GRM7: variants seen among roughly 807,000 people sequenced by gnomAD.
The protein encoded by GRM7 is metabotropic glutamate receptor 7.
A neutral mutation model predicts 84.5 loss-of-function variants in GRM7; 35 were observed. That is an observed-to-expected ratio of 0.41 (90% confidence interval 0.32 to 0.55). GRM7 has a LOEUF of 0.55. Among genes scored for constraint, GRM7 ranks in the 20% least tolerant of loss-of-function variants. The probability of loss-of-function intolerance (pLI) is 0.19; values close to 1 mark genes in which losing one functional copy is unlikely to be tolerated. For missense variants in GRM7, 1,003 were observed against 1,194.6 expected (o/e 0.84, Z 2.36); for synonymous variants, 487 against 455.1 (o/e 1.07, Z -0.89).
chr3:7,726,865 TA>T (rs145598687), intron 9 of GRM7, among the ~76,000 whole-genome samples: 31 of 148,254 alleles, frequency 2.1e-4, no homozygotes, highest in East Asian at 1.2e-3. Context: ...CTGTTTCCTT[TA>T]AAAAAAAAAT....
At chr3:7,064,019 A>G (rs1418253764) in intron 1 of GRM7, among the ~76,000 whole-genome samples, 1 of 151,688 alleles carries the variant, frequency 6.6e-6, no homozygotes, top group East Asian at 1.9e-4. Context: ...TAGGGATCTA[A>G]GCTGACAGAG....
At chr3:7,228,190 A>C (rs1365019305) in intron 2 of GRM7, among the ~76,000 whole-genome samples, 1 of 152,156 alleles carries the variant, frequency 6.6e-6, no homozygotes, top group Non-Finnish European at 1.5e-5. Flanking sequence ...TGAACTGAGA[A>C]CAGATAAGGG....
intron 1 of GRM7, among the ~76,000 whole-genome samples, chr3:6,927,501 G>C (rs1319791568): frequency 7.2e-6 from 1 of 139,814 alleles, no homozygotes; most frequent in East Asian, 2.0e-4. Context: ...AAGAAAGAAA[G>C]AAAGAAAGAA....
At chr3:7,186,106 A>G (rs1201340864) in intron 2 of GRM7, among the ~76,000 whole-genome samples, 2 of 152,016 alleles carry the variant, frequency 1.3e-5, no homozygotes, top group African/African-American at 4.8e-5. Flanking sequence ...GACAAAGCCT[A>G]CTCTCCCAGC....
chr3:7,532,788 C>A (rs1408351275), intron 7 of GRM7, among the ~76,000 whole-genome samples: 2 of 89,636 alleles, frequency 2.2e-5, no homozygotes, highest in South Asian at 4.1e-4. Flanking sequence ...GAATATTTAC[C>A]AAGCAAAGGG....
At chr3:7,212,559 A>T (rs1016146508) in intron 2 of GRM7, among the ~76,000 whole-genome samples, 1 of 152,218 alleles carries the variant, frequency 6.6e-6, no homozygotes, top group African/African-American at 2.4e-5. Context: ...TTGCAGAATT[A>T]ATAACTGGAA....
Position 7,323,344 on chromosome 3 carries a change from C to T in GRM7, c.1033+16692C>T, listed in dbSNP as rs184933163. ...AAGGTTAGTCTTGACATGTCCCAGG[C>T]TAGCAGCCCCTCTCCACCCCATAAC... On this transcript the variant is annotated intron_variant, in intron 4 of 9. Coordinates refer to ENST00000357716, the MANE Select transcript of GRM7 (RefSeq NM_000844.4). Among the ~76,000 whole-genome samples the T allele has an allele frequency of 3.3e-5, 5 of 152,224 alleles. No homozygotes were observed. The East Asian group carries it at 9.7e-4, about 29-fold the overall frequency.
chr3:7,393,077 G>C (rs1695065054), intron 4 of GRM7, among the ~76,000 whole-genome samples: 1 of 152,134 alleles, frequency 6.6e-6, no homozygotes, highest in African/African-American at 2.4e-5. Context: ...TGAGCACAAA[G>C]CTGTGGGGTG....
chr3:7,229,759 A>ATATATATAT (rs1434216248), intron 2 of GRM7, among the ~76,000 whole-genome samples: 23 of 30,358 alleles, frequency 7.6e-4, no homozygotes, highest in South Asian at 1.9e-3. Context: ...ATATATATAT[A>ATATATATAT]TTTTTTTTTT....
intron 1 of GRM7, among the ~76,000 whole-genome samples, chr3:6,881,857 A>G (rs1695522463): frequency 6.6e-6 from 1 of 152,118 alleles, no homozygotes; most frequent in Non-Finnish European, 1.5e-5. Flanking sequence ...TGGAGGGGCT[A>G]AAAATGTTTA....
At chr3:7,600,668 GC>G (rs1372086856) in intron 8 of GRM7, among the ~76,000 whole-genome samples, 2 of 152,012 alleles carry the variant, frequency 1.3e-5, no homozygotes, top group African/African-American at 4.8e-5. Context: ...CTTAATGTAT[GC>G]CTTTAAATTA....
At chr3:7,053,724 A>G (rs1338884271) in intron 1 of GRM7, among the ~76,000 whole-genome samples, 2 of 151,322 alleles carry the variant, frequency 1.3e-5, no homozygotes, top group African/African-American at 2.4e-5. Context: ...TTTGATCTAT[A>G]TGTCTGTTTC....
chr3:7,691,880 C>T (rs984694662), intron 9 of GRM7, among the ~76,000 whole-genome samples: 3 of 152,018 alleles, frequency 2.0e-5, no homozygotes, highest in Non-Finnish European at 2.9e-5. Context: ...AGGCTGGTCT[C>T]GAACTCCTGA....
intron 9 of GRM7, among the ~76,000 whole-genome samples, chr3:7,729,415 G>A (rs1405741713): frequency 2.0e-5 from 3 of 152,154 alleles, no homozygotes; most frequent in Non-Finnish European, 4.4e-5. Flanking sequence ...ATATTCCTAA[G>A]TGCAAGAAGG....
intron 1 of GRM7, among the ~76,000 whole-genome samples, chr3:6,967,475 G>A (rs935598161): frequency 3.9e-5 from 6 of 152,276 alleles, no homozygotes; most frequent in African/African-American, 7.2e-5. Context: ...GATTACAGGC[G>A]TGAGCCACCA....
chr3:7,263,342 A>G (rs975012832), intron 2 of GRM7, among the ~76,000 whole-genome samples: 1 of 152,158 alleles, frequency 6.6e-6, no homozygotes, highest in Non-Finnish European at 1.5e-5. Flanking sequence ...CAACACTTAG[A>G]TGGGTGGTGC....
rs76096756 is a variant in GRM7, at chr3:7,135,209, A to T, written c.520-11243A>T. 8.8e-3 allele frequency among the ~76,000 whole-genome samples: 1,340 copies of T among 152,332 alleles called. 17 individuals carry two copies. The highest frequency in any genetic ancestry group is 0.031 in the African/African-American group (1,283 of 41,584). ...ATTAGAATTCCTGCCCAACCATCCT[A>T]TGTGAGCAGAGATGATATCTAGAAA... On this transcript the variant is annotated intron_variant, in intron 1 of 9. Transcript: ENST00000357716.
At chr3:7,411,354 G>A (rs1695928442) in intron 4 of GRM7, among the ~76,000 whole-genome samples, 2 of 152,144 alleles carry the variant, frequency 1.3e-5, no homozygotes, top group African/African-American at 2.4e-5. Context: ...ACACAACTAT[G>A]TAGGGTTTAA....
chr3:6,896,310 A>T (rs955665177), intron 1 of GRM7, among the ~76,000 whole-genome samples: 5 of 152,210 alleles, frequency 3.3e-5, no homozygotes, highest in African/African-American at 1.2e-4. Flanking sequence ...TATAGTATGA[A>T]TGAAAGAATT....
Sources: gnomAD v4.1 joint callset for allele counts (sites outside exome capture counted in the v4.1 genomes callset) on GRCh38, gnomAD v4.1.1 for gene constraint, MANE v1.5 for transcripts, NCBI Gene and HGNC (gene_info 2026-07-23, HGNC 2026-07-21) for gene names.